Variants in MARCHF11 observed in about 807,000 individuals in gnomAD.
The protein encoded by MARCHF11 is E3 ubiquitin-protein ligase MARCHF11.
MARCHF11 carries 29 observed loss-of-function variants against 37.3 expected under a neutral mutation model. The observed-to-expected ratio is 0.78, with a 90% confidence interval of 0.58 to 1.06. The LOEUF (loss-of-function observed/expected upper bound fraction) is 1.06. MARCHF11 is among the 50% of genes least tolerant of loss of function. The pLI is 0.00. For synonymous variants in MARCHF11, 233 were observed against 228.0 expected (o/e 1.02, Z -0.20); for missense variants, 482 against 533.4 (o/e 0.90, Z 0.95).
intron 3 of MARCHF11, among the ~76,000 whole-genome samples, chr5:16,074,179 A>G (rs1273598590): frequency 6.6e-6 from 1 of 152,228 alleles, no homozygotes; most frequent in Non-Finnish European, 1.5e-5. Context: ...AATACAGATC[A>G]AAATTTAAAA....
chr5:16,174,967 G>A (rs1001957027), intron 2 of MARCHF11, among the ~76,000 whole-genome samples: 1 of 152,194 alleles, frequency 6.6e-6, no homozygotes, highest in Non-Finnish European at 1.5e-5. Context: ...CCAAGGCTAT[G>A]CCTTAAGAGA....
At chr5:16,148,828 C>T (rs1013802256) in intron 2 of MARCHF11, among the ~76,000 whole-genome samples, 1 of 152,152 alleles carries the variant, frequency 6.6e-6, no homozygotes, top group Non-Finnish European at 1.5e-5. Flanking sequence ...GAGAGAGGGA[C>T]AGACAGGCAT....
intron 2 of MARCHF11, among the ~76,000 whole-genome samples, chr5:16,115,157 A>G (rs1479395119): frequency 6.6e-6 from 1 of 152,238 alleles, no homozygotes; most frequent in African/African-American, 2.4e-5. Flanking sequence ...TTGCAAGAAG[A>G]ATAACTTAAA....
At position 16,067,677 on chromosome 5, in the gene MARCHF11, G is replaced by A. The variant is rs772597440; in HGVS notation, c.1003C>T (p.Arg335Trp). 2.9e-5 allele frequency: 46 copies of A among 1,613,772 alleles called. No individual in the cohort carries two copies. Among genetic ancestry groups the A allele is most frequent in the Admixed American group, 6.7e-5 (4 of 59,992 alleles). The part of the protein sequence containing the change: ...DKATDIEESS[R>W]GESSTSRTLW... ...GTCCTACTTGTGGAAGACTCTCCCC[G>A]GCTGCTTTCTTCGATGTCTGTGGCT... is the stretch of plus-strand genomic sequence containing the variant. Residue 335 changes from arginine to tryptophan, a missense_variant, in exon 4 of 4, where the codon CGG becomes TGG. Arg to Trp is a moderately radical substitution (Grantham distance 101, BLOSUM62 -3). Transcript: ENST00000332432.
intron 2 of MARCHF11, among the ~76,000 whole-genome samples, chr5:16,154,693 T>C (rs2126600319): frequency 6.6e-6 from 1 of 152,004 alleles, no homozygotes; most frequent in Middle Eastern, 3.4e-3. Flanking sequence ...AATATAAACA[T>C]ATAATTCACA....
At position 16,179,545 on chromosome 5, in the gene MARCHF11, G is replaced by T. The variant is rs1738436580; in HGVS notation, c.31C>A (p.Arg11=). 3 of 1,179,282 alleles carry T rather than the reference G, an allele frequency of 2.5e-6. No homozygotes were observed. The highest frequency in any genetic ancestry group is 8.4e-5 in the South Asian group (2 of 23,724). The allele number at this position is 1,179,282 out of a possible 1,614,324, so 73.1% of individuals were successfully genotyped here. A position where few individuals can be genotyped will look rare whatever the true frequency, so the allele number is the denominator to read the frequency against. Residue 11 remains arginine, a synonymous_variant, in exon 1 of 4, where the codon CGG becomes AGG. Coordinates refer to ENST00000332432, the MANE Select transcript of MARCHF11 (RefSeq NM_001102562.3). MSFEGGHGGS[R]CRGAESGDAE... is the part of the protein sequence containing the mutation. ...TCCCCGCTCTCCGCCCCGCGACACC[G>T]ACTGCCGCCGTGGCCGCCCTCAAAG...
At chr5:16,118,218 G>A (rs1447717224) in intron 2 of MARCHF11, among the ~76,000 whole-genome samples, 2 of 152,216 alleles carry the variant, frequency 1.3e-5, no homozygotes, top group African/African-American at 4.8e-5. Flanking sequence ...AAGCATGGCC[G>A]AGTCAGGCAG....
In MARCHF11 at chr5:16,162,935, CAT is replaced by C. The variant is rs111363449; in HGVS notation, c.693+14789_693+14790del. Reference sequence around the variant, plus strand: ...CTTCCAACAACATTAAGAAATGAAACATAGAGTAGCGTTGTTGCTTATACAGC... The same window carrying C: ...CTTCCAACAACATTAAGAAATGAAACAGAGTAGCGTTGTTGCTTATACAGC... On this transcript the variant is annotated intron_variant, in intron 2 of 3. Coordinates refer to ENST00000332432, the MANE Select transcript of MARCHF11 (RefSeq NM_001102562.3). 7.5e-3 allele frequency among the ~76,000 whole-genome samples: 1,147 copies of C among 152,056 alleles called. 18 individuals are homozygous for C. Among genetic ancestry groups the C allele is most frequent in the African/African-American group, 0.026 (1,097 of 41,510 alleles).
intron 2 of MARCHF11, among the ~76,000 whole-genome samples, chr5:16,111,535 C>T (rs1369173221): frequency 6.6e-6 from 1 of 152,160 alleles, no homozygotes; most frequent in Non-Finnish European, 1.5e-5. Context: ...AGCAGCAAAG[C>T]ATTCAAGAGG....
chr5:16,089,767 A>C (rs917248123), intron 3 of MARCHF11, among the ~76,000 whole-genome samples: 1 of 152,238 alleles, frequency 6.6e-6, no homozygotes, highest in Non-Finnish European at 1.5e-5. Context: ...ACTTAATCAA[A>C]TATACTTAAT....
intron 2 of MARCHF11, among the ~76,000 whole-genome samples, chr5:16,151,494 C>T (rs565161475): frequency 5.0e-4 from 76 of 151,812 alleles, no homozygotes; most frequent in African/African-American, 1.7e-3. Context: ...AAATCCTTTT[C>T]CCAGAAACCA....
chr5:16,119,297 G>C lies in MARCHF11; in HGVS notation c.694-28216C>G, dbSNP rs2126575902. On this transcript the variant is annotated intron_variant, in intron 2 of 3. Transcript: ENST00000332432. ...AGAGCACTTGAACCCAGGAGGCGGA[G>C]GTTACAGTGAGCCAAGATCGTACCA... 1.3e-5 allele frequency among the ~76,000 whole-genome samples: 2 copies of C among 151,992 alleles called. 1 individual carries two copies. Among genetic ancestry groups the C allele is most frequent in the Non-Finnish European group, 2.9e-5 (2 of 67,966 alleles).
chr5:16,112,062 C>A (rs1476651305), intron 2 of MARCHF11, among the ~76,000 whole-genome samples: 3 of 152,186 alleles, frequency 2.0e-5, no homozygotes, highest in Non-Finnish European at 4.4e-5. Context: ...GATGTTCAGG[C>A]AGAAATTTGC....
At chr5:16,088,103 G>A (rs1736729410) in intron 3 of MARCHF11, among the ~76,000 whole-genome samples, 1 of 152,302 alleles carries the variant, frequency 6.6e-6, no homozygotes, top group East Asian at 1.9e-4. Context: ...CCCATGGCAA[G>A]TAGGAGGCCA....
intron 2 of MARCHF11, among the ~76,000 whole-genome samples, chr5:16,162,793 T>C (rs1479530312): frequency 6.6e-6 from 1 of 151,962 alleles, no homozygotes. Flanking sequence ...ACACAGCAAA[T>C]CCAAAATATA....
chr5:16,175,363 C>T (rs532347073), intron 2 of MARCHF11, among the ~76,000 whole-genome samples: 1 of 152,234 alleles, frequency 6.6e-6, no homozygotes, highest in African/African-American at 2.4e-5. Flanking sequence ...CTGCTTGCTA[C>T]AGCCTTTTCC....
intron 2 of MARCHF11, among the ~76,000 whole-genome samples, chr5:16,132,999 A>T (rs1317551884): frequency 6.6e-6 from 1 of 152,232 alleles, no homozygotes; most frequent in Non-Finnish European, 1.5e-5. Context: ...AATCAGAGTA[A>T]AATTAATTTT....
At chr5:16,159,954 G>C (rs1028582541) in intron 2 of MARCHF11, among the ~76,000 whole-genome samples, 1 of 151,724 alleles carries the variant, frequency 6.6e-6, no homozygotes, top group African/African-American at 2.4e-5. Context: ...ATCATGAAAT[G>C]GTTTCTCATC....
At chr5:16,073,488 T>C (rs1215750314) in intron 3 of MARCHF11, among the ~76,000 whole-genome samples, 1 of 152,208 alleles carries the variant, frequency 6.6e-6, no homozygotes, top group African/African-American at 2.4e-5. Flanking sequence ...CCATAAGTCA[T>C]GGTTACTTCT....
Sources: allele counts gnomAD v4.1 joint callset (sites outside exome capture counted in the v4.1 genomes callset), GRCh38; gene constraint gnomAD v4.1.1; transcripts MANE v1.5; gene names NCBI Gene and HGNC (gene_info 2026-07-23, HGNC 2026-07-21).